The following SH3GL2 variants were observed in gnomAD, a reference collection of about 807,000 sequenced individuals.
The protein encoded by SH3GL2 is endophilin-A1.
Under a neutral mutation model 46.0 loss-of-function variants are expected in SH3GL2, and 24 were observed. The observed-to-expected ratio is 0.52, with a 90% CI of 0.38 to 0.73. The LOEUF (loss-of-function observed/expected upper bound fraction) is 0.73. Ranked by LOEUF, SH3GL2 falls within the 30% of genes least tolerant of loss-of-function variation. The pLI, the probability that SH3GL2 is intolerant of heterozygous loss-of-function variation, is 0.00. For missense variants in SH3GL2, 413 were observed against 424.2 expected, an observed-to-expected ratio of 0.97 and a Z score of 0.23; for synonymous variants, 196 against 147.1, an observed-to-expected ratio of 1.33 and a Z score of -2.40.
chr9:17,699,699 T>G (rs1431419929), intron 1 of SH3GL2, among the ~76,000 whole-genome samples: 2 of 152,236 alleles, frequency 1.3e-5, no homozygotes, highest in African/African-American at 4.8e-5. Context: ...AAAGACCACG[T>G]GCCTCTTTGA....
At chr9:17,659,369 C>G (rs1056727835) in intron 1 of SH3GL2, among the ~76,000 whole-genome samples, 1 of 152,090 alleles carries the variant, frequency 6.6e-6, no homozygotes, top group Non-Finnish European at 1.5e-5. Context: ...GCTGGCAGAG[C>G]CATTCCTGAG....
chr9:17,601,846 A>T (rs1485152495), intron 1 of SH3GL2, among the ~76,000 whole-genome samples: 1 of 152,158 alleles, frequency 6.6e-6, no homozygotes, highest in Non-Finnish European at 1.5e-5. Flanking sequence ...GGAAATCTTC[A>T]TCTGTCTGTG....
chr9:17,746,856 G>T (rs776770543), intron 1 of SH3GL2, among the ~76,000 whole-genome samples: 3 of 152,178 alleles, frequency 2.0e-5, no homozygotes, highest in African/African-American at 4.8e-5. Flanking sequence ...TTGAATGCTT[G>T]CTTCTATACC....
At chr9:17,648,507 A>G (rs1819880587) in intron 1 of SH3GL2, among the ~76,000 whole-genome samples, 1 of 152,210 alleles carries the variant, frequency 6.6e-6, no homozygotes, top group Non-Finnish European at 1.5e-5. Flanking sequence ...AACTCACTCA[A>G]AAACATCCAG....
intron 1 of SH3GL2, among the ~76,000 whole-genome samples, chr9:17,604,240 A>G (rs997721030): frequency 6.6e-6 from 1 of 152,174 alleles, no homozygotes; most frequent in Non-Finnish European, 1.5e-5. Flanking sequence ...AGAGCTGGAC[A>G]CTGGACTCTG....
At chr9:17,750,029 T>G (rs1484663297) in intron 2 of SH3GL2, among the ~76,000 whole-genome samples, 1 of 152,200 alleles carries the variant, frequency 6.6e-6, no homozygotes, top group South Asian at 2.1e-4. Flanking sequence ...GCAATTGTTT[T>G]ACTCTTTTTG....
At chr9:17,738,673 G>GAGAGAA (rs1230624275) in intron 1 of SH3GL2, among the ~76,000 whole-genome samples, 21 of 145,026 alleles carry the variant, frequency 1.4e-4, no homozygotes, top group African/African-American at 5.2e-4. Context: ...GAGAGAGAGA[G>GAGAGAA]ATAATTTTAT....
At chr9:17,606,858 C>T (rs1395834783) in intron 1 of SH3GL2, among the ~76,000 whole-genome samples, 1 of 152,196 alleles carries the variant, frequency 6.6e-6, no homozygotes, top group Non-Finnish European at 1.5e-5. Flanking sequence ...TTTGTCCAGG[C>T]AGCTTCAGTG....
At chr9:17,642,335 T>A (rs534764240) in intron 1 of SH3GL2, among the ~76,000 whole-genome samples, 91 of 152,364 alleles carry the variant, frequency 6.0e-4, no homozygotes, top group South Asian at 4.8e-3. Flanking sequence ...TGATAGTTTC[T>A]TTTGCTGTGC....
intron 1 of SH3GL2, among the ~76,000 whole-genome samples, chr9:17,737,716 C>G (rs1179282763): frequency 6.6e-6 from 1 of 152,060 alleles, no homozygotes; most frequent in Non-Finnish European, 1.5e-5. Flanking sequence ...GGTTCTTTCC[C>G]TGCCTCGTCT....
chr9:17,690,282 C>T (rs1186396094), intron 1 of SH3GL2, among the ~76,000 whole-genome samples: 4 of 152,132 alleles, frequency 2.6e-5, no homozygotes, highest in Admixed American at 2.6e-4. Flanking sequence ...CTGCATTCAG[C>T]ATTCCCCCGG....
intron 1 of SH3GL2, chr9:17,589,331 A>G (rs1222572341): frequency 1.3e-5 from 2 of 152,172 alleles, no homozygotes; most frequent in Admixed American, 6.5e-5. Context: ...TGCCTGGCCC[A>G]TGTGCCTTTT....
At chr9:17,689,060 C>T (rs538933386) in intron 1 of SH3GL2, among the ~76,000 whole-genome samples, 1 of 152,176 alleles carries the variant, frequency 6.6e-6, no homozygotes, top group Non-Finnish European at 1.5e-5. Context: ...ACGTCATCAA[C>T]AGTGATAAAT....
intron 1 of SH3GL2, among the ~76,000 whole-genome samples, chr9:17,729,844 G>A (rs1230364329): frequency 1.3e-5 from 2 of 152,178 alleles, no homozygotes; most frequent in African/African-American, 4.8e-5. Flanking sequence ...TGAGTACCAT[G>A]CTGTTTTGGT....
At chr9:17,701,177 T>C (rs553362973) in intron 1 of SH3GL2, among the ~76,000 whole-genome samples, 1 of 152,322 alleles carries the variant, frequency 6.6e-6, no homozygotes, top group Admixed American at 6.5e-5. Flanking sequence ...ATAAACATTG[T>C]ATACACAGAA....
At chr9:17,766,593 G>A (rs1244060457) in intron 3 of SH3GL2, among the ~76,000 whole-genome samples, 2 of 152,106 alleles carry the variant, frequency 1.3e-5, no homozygotes, top group Non-Finnish European at 2.9e-5. Context: ...AGAGAAAGAT[G>A]AAATTGTCTT....
chr9:17,753,937 C>A (rs895700716), intron 2 of SH3GL2, among the ~76,000 whole-genome samples: 1 of 152,174 alleles, frequency 6.6e-6, no homozygotes, highest in Non-Finnish European at 1.5e-5. Context: ...AATAGGGAAT[C>A]TTTTCCCCAT....
chr9:17,793,398 G>C lies in SH3GL2; in HGVS notation c.760G>C (p.Glu254Gln), dbSNP rs952883769. ...ACAGGCTTCATCTCAGCCTAGAAGG[G>C]AATATCAACCTAAACCACGAATGAG... The part of the protein sequence containing the change: ...IRQASSQPRR[E>Q]YQPKPRMSLE... The change falls in exon 8 of 9, where the codon GAA (glutamate) becomes CAA (glutamine). Residue 254 changes from glutamate to glutamine, a missense_variant. Physicochemically the swap from Glu to Gln is conservative, Grantham distance 29. Around this residue, in one of 3 missense-constraint regions of SH3GL2, gnomAD observed 248 missense variants for 215.0 expected, o/e 1.15. Coordinates refer to ENST00000380607, the MANE Select transcript of SH3GL2 (RefSeq NM_003026.5). 6.2e-7 allele frequency: 1 copy of C among 1,612,910 alleles called. No homozygotes were observed. The highest frequency in any genetic ancestry group is 8.5e-7 in the Non-Finnish European group (1 of 1,179,452).
intron 1 of SH3GL2, among the ~76,000 whole-genome samples, chr9:17,615,436 C>T (rs937628784): frequency 6.6e-6 from 1 of 152,030 alleles, no homozygotes; most frequent in Non-Finnish European, 1.5e-5. Context: ...GTGGGCGGAT[C>T]ACGAGGCCGG....
Sources: gnomAD v4.1 joint callset for allele counts (sites outside exome capture counted in the v4.1 genomes callset) on GRCh38, gnomAD v4.1.1 for gene constraint, gnomAD v4.1.1 regional missense constraint, MANE v1.5 for transcripts, NCBI Gene and HGNC (gene_info 2026-07-23, HGNC 2026-07-21) for gene names.